The following ADARB2 variants were observed in gnomAD, a reference collection of about 807,000 sequenced individuals.
The protein encoded by ADARB2 is adenosine deaminase RNA specific B2 (inactive).
In ADARB2, 25 loss-of-function variants were observed where a neutral mutation model predicts 62.2. The observed-to-expected ratio is 0.40, with a 90% CI of 0.29 to 0.56. The LOEUF (loss-of-function observed/expected upper bound fraction) is 0.56, where lower values mean the gene tolerates loss of function less well. Among genes scored for constraint, ADARB2 ranks in the 20% least tolerant of loss-of-function variants. The pLI, the probability that ADARB2 is intolerant of heterozygous loss-of-function variation, is 0.43. For missense variants in ADARB2, 1,071 were observed against 1,077.4 expected (o/e 0.99, Z 0.08); for synonymous variants, 572 against 500.8 (o/e 1.14, Z -1.90).
At chr10:1,480,235 A>G (rs1180477760) in intron 1 of ADARB2, among the ~76,000 whole-genome samples, 1 of 152,246 alleles carries the variant, frequency 6.6e-6, no homozygotes, top group Non-Finnish European at 1.5e-5. Context: ...TACTTGGAAA[A>G]AAAGAATTAA....
At chr10:1,375,519 T>G (rs904719238) in intron 2 of ADARB2, among the ~76,000 whole-genome samples, 25 of 152,230 alleles carry the variant, frequency 1.6e-4, no homozygotes, top group African/African-American at 6.0e-4. Context: ...GCCATGACCC[T>G]GTGAGGTTGT....
At chr10:1,495,573 G>T (rs1831677117) in intron 1 of ADARB2, among the ~76,000 whole-genome samples, 1 of 152,160 alleles carries the variant, frequency 6.6e-6, no homozygotes, top group African/African-American at 2.4e-5. Flanking sequence ...ATTTGGAGCT[G>T]CCTCCAGTCT....
chr10:1,666,850 C>G (rs1374084311), intron 1 of ADARB2, among the ~76,000 whole-genome samples: 1 of 152,176 alleles, frequency 6.6e-6, no homozygotes, highest in East Asian at 1.9e-4. Flanking sequence ...AATTATTTGA[C>G]ATGATGTGTT....
chr10:1,244,877 A>G (rs1463823814), intron 4 of ADARB2, among the ~76,000 whole-genome samples: 1 of 152,170 alleles, frequency 6.6e-6, no homozygotes, highest in Non-Finnish European at 1.5e-5. Flanking sequence ...ATTCTGCATA[A>G]TCTGCGTATT....
At chr10:1,687,645 TA>T (rs1834612990) in intron 1 of ADARB2, among the ~76,000 whole-genome samples, 1 of 150,632 alleles carries the variant, frequency 6.6e-6, no homozygotes, top group Non-Finnish European at 1.5e-5. Context: ...TAAATAATCA[TA>T]TTTTTTTCTG....
chr10:1,247,801 C>T (rs1831000752), intron 4 of ADARB2, among the ~76,000 whole-genome samples: 1 of 152,204 alleles, frequency 6.6e-6, no homozygotes, highest in African/African-American at 2.4e-5. Flanking sequence ...GCCCTCATAC[C>T]TATGGGGAGA....
At chr10:1,386,447 A>T (rs983258471) in intron 1 of ADARB2, among the ~76,000 whole-genome samples, 1 of 152,018 alleles carries the variant, frequency 6.6e-6, no homozygotes, top group Non-Finnish European at 1.5e-5. Context: ...AAAAATATAG[A>T]CAGGTTAAAA....
At chr10:1,297,578 G>A (rs181470754) in intron 3 of ADARB2, among the ~76,000 whole-genome samples, 101 of 152,210 alleles carry the variant, frequency 6.6e-4, no homozygotes, top group African/African-American at 2.3e-3. Context: ...GCGTGGCATC[G>A]CCTGGACAAG....
At chr10:1,289,907 G>T (rs1046044327) in intron 3 of ADARB2, 31 of 151,590 alleles carry the variant, frequency 2.0e-4, no homozygotes, top group African/African-American at 7.5e-4. Flanking sequence ...TGTGCAAGGA[G>T]ATGCGTTAGA....
intron 1 of ADARB2, among the ~76,000 whole-genome samples, chr10:1,459,595 C>T (rs1378380089): frequency 1.3e-5 from 2 of 152,190 alleles, no homozygotes; most frequent in African/African-American, 4.8e-5. Flanking sequence ...CAAACCCCGT[C>T]TCTACTAAAA....
chr10:1,578,108 C>T lies in ADARB2; in HGVS notation c.100+158943G>A, dbSNP rs112282423. Among the ~76,000 whole-genome samples the T allele has an allele frequency of 6.4e-3, 976 of 152,236 alleles. 16 individuals carry two copies. The highest frequency in any genetic ancestry group is 0.022 in the African/African-American group (899 of 41,520). ...TTTCAGCAGACCCAGCAAAGCAAGG[C>T]GGTGTGTGCTGTATATCATTTATAC... On this transcript the variant is annotated intron_variant, in intron 1 of 9. Transcript: ENST00000381312.
chr10:1,389,618 C>T (rs61833613), intron 1 of ADARB2, among the ~76,000 whole-genome samples: 4,064 of 152,110 alleles, frequency 0.027, 96 homozygotes, highest in East Asian at 0.11. Flanking sequence ...TGGTGGGTAC[C>T]TATAATCCCT....
intron 4 of ADARB2, among the ~76,000 whole-genome samples, chr10:1,266,605 GAAGGACCAGCCGGCCACCACCGCAGAAGA>G (rs1831206459): frequency 6.6e-6 from 1 of 152,050 alleles, no homozygotes. Context: ...GCCTGTGGGA[GAAGGACCAGCCGGCCACCACCGCAGAAGA>G]CACCAGGCCA....
chr10:1,229,992 C>G (rs1162230826), intron 6 of ADARB2, among the ~76,000 whole-genome samples: 1 of 152,182 alleles, frequency 6.6e-6, no homozygotes, highest in African/African-American at 2.4e-5. Flanking sequence ...AAGGGATGAG[C>G]TCAAGTGACC....
At chr10:1,378,004 C>G (rs1421553358) in intron 2 of ADARB2, among the ~76,000 whole-genome samples, 1 of 152,194 alleles carries the variant, frequency 6.6e-6, no homozygotes, top group East Asian at 1.9e-4. Context: ...CACCTCGCCT[C>G]CTCCCCATCC....
At position 1,634,198 on chromosome 10, in the gene ADARB2, G is replaced by A. The variant is rs1047152660; in HGVS notation, c.100+102853C>T. ...TCCAGAGTCAGATTCAAGTAAGCAG[G>A]TCCTTCAGCCGAAAGTGGACTCAAT... On this transcript the variant is annotated intron_variant, in intron 1 of 9. Coordinates refer to ENST00000381312, the MANE Select transcript of ADARB2 (RefSeq NM_018702.4). Among the ~76,000 whole-genome samples, 7 of 152,204 alleles carry A rather than the reference G, an allele frequency of 4.6e-5. No individual in the cohort carries two copies. In the East Asian group the frequency reaches 7.7e-4, roughly 17 times the overall value.
intron 1 of ADARB2, among the ~76,000 whole-genome samples, chr10:1,550,323 G>A (rs984090224): frequency 3.9e-5 from 6 of 152,146 alleles, no homozygotes; most frequent in African/African-American, 7.2e-5. Flanking sequence ...AAAGTACCAC[G>A]GAAAATGCCT....
intron 1 of ADARB2, among the ~76,000 whole-genome samples, chr10:1,463,677 T>A (rs1188854446): frequency 6.6e-6 from 1 of 152,222 alleles, no homozygotes; most frequent in Admixed American, 6.5e-5. Context: ...TAGCTTAAGA[T>A]TCAACTTAAA....
chr10:1,677,795 G>C (rs891794784), intron 1 of ADARB2, among the ~76,000 whole-genome samples: 3 of 152,230 alleles, frequency 2.0e-5, no homozygotes, highest in Non-Finnish European at 4.4e-5. Flanking sequence ...AACTCGGCAA[G>C]GCTGCTCTGT....
Sources: allele counts gnomAD v4.1 joint callset (sites outside exome capture counted in the v4.1 genomes callset), GRCh38; gene constraint gnomAD v4.1.1; transcripts MANE v1.5; gene names NCBI Gene and HGNC (gene_info 2026-07-23, HGNC 2026-07-21).